The following MAGEC3 variants were observed in gnomAD, a reference collection of about 807,000 sequenced individuals.
The protein encoded by MAGEC3 is MAGE family member C3.
In MAGEC3, 34 loss-of-function variants were observed where a neutral mutation model predicts 35.3. The ratio of observed to expected loss-of-function variants is 0.96; its 90% CI spans 0.73 to 1.28. The LOEUF is 1.28. Among genes scored for constraint, MAGEC3 ranks in the 50% most tolerant of loss-of-function variants. The pLI is 0.00. For missense variants in MAGEC3, 561 were observed against 483.6 expected (o/e 1.16, Z -1.50); for synonymous variants, 202 against 185.6 (o/e 1.09, Z -0.72).
chrX:141,853,180 G>A (rs1364913454), intron 1 of MAGEC3, among the ~76,000 whole-genome samples: 1 of 111,463 alleles, frequency 9.0e-6, no homozygotes, highest in Non-Finnish European at 1.9e-5. Flanking sequence ...CTTTTAAAAA[G>A]AGGGAAACAA....
Position 141,882,049 on chromosome X carries a change from A to G in MAGEC3, c.909+253A>G, listed in dbSNP as rs556515075. On this transcript the variant is annotated intron_variant, in intron 4 of 7. Coordinates refer to ENST00000298296, the MANE Select transcript of MAGEC3 (RefSeq NM_138702.1). ...AAGGATGCTTTGAAAGATGTGGAAG[A>G]CAGAGCCCAGGCCATAATTGACACC... 6.3e-5 allele frequency among the ~76,000 whole-genome samples: 7 copies of G among 111,824 alleles called. No individual in the cohort carries two copies. In the South Asian group the frequency reaches 2.7e-3, roughly 42 times the overall value.
intron 1 of MAGEC3, among the ~76,000 whole-genome samples, chrX:141,858,812 A>T (rs1356517635): frequency 1.8e-5 from 2 of 111,024 alleles, no homozygotes; most frequent in African/African-American, 6.5e-5. Flanking sequence ...GTATATATAT[A>T]ACAACACACA....
At chrX:141,857,984 C>T (rs993910538) in intron 1 of MAGEC3, among the ~76,000 whole-genome samples, 5 of 111,025 alleles carry the variant, frequency 4.5e-5, no homozygotes, top group African/African-American at 1.6e-4. Flanking sequence ...TGAATGAATA[C>T]ATGCATAGTA....
intron 4 of MAGEC3, among the ~76,000 whole-genome samples, chrX:141,882,777 A>G (rs2017976095): frequency 8.9e-6 from 1 of 112,111 alleles, no homozygotes; most frequent in Non-Finnish European, 1.9e-5. Flanking sequence ...TACCTATAAA[A>G]CAATAGAGTC....
At chrX:141,891,483 A>G (rs375954873) in intron 4 of MAGEC3, among the ~76,000 whole-genome samples, 1 of 109,940 alleles carries the variant, frequency 9.1e-6, no homozygotes, top group East Asian at 2.8e-4. Context: ...TTTTCTTACA[A>G]ATAAATACTG....
At chrX:141,843,181 C>T (rs1336860524) in intron 1 of MAGEC3, among the ~76,000 whole-genome samples, 2 of 111,789 alleles carry the variant, frequency 1.8e-5, no homozygotes, top group African/African-American at 6.5e-5. Flanking sequence ...CACACAAATT[C>T]CAGCTTTATA....
intron 1 of MAGEC3, among the ~76,000 whole-genome samples, chrX:141,861,309 C>T (rs2017813589): frequency 9.0e-6 from 1 of 111,201 alleles, no homozygotes; most frequent in African/African-American, 3.3e-5. Context: ...GGAAAGACAT[C>T]CCATGCTCAT....
intron 2 of MAGEC3, among the ~76,000 whole-genome samples, chrX:141,869,416 G>A (rs750209728): frequency 1.8e-5 from 2 of 112,348 alleles, no homozygotes; most frequent in East Asian, 5.6e-4. Flanking sequence ...AGTATACTTT[G>A]CTTAGTTGTT....
In MAGEC3 at chrX:141,897,040, T is replaced by C. The variant is rs140309583; in HGVS notation, c.1282T>C (p.Leu428=). The C allele has an allele frequency of 2.2e-5, 27 of 1,209,353 alleles. No homozygotes were observed. The African/African-American group carries it at 4.0e-4, about 18-fold the overall frequency. ...SCSSPLLWTR[L]DEESSSEEED... is the part of the protein sequence containing the mutation. ...CTCATCCCCTCTTTTGTGGACCCGATTGGATGAGGAGTCCAGCAGTGAAGA... is the reference window on the plus strand; with the variant it reads ...CTCATCCCCTCTTTTGTGGACCCGACTGGATGAGGAGTCCAGCAGTGAAGA... Residue 428 remains leucine (L), a synonymous_variant, in exon 7 of 8, where the codon TTG becomes CTG. Transcript: ENST00000298296.
At chrX:141,870,413 G>T (rs2017880194) in intron 2 of MAGEC3, among the ~76,000 whole-genome samples, 1 of 109,473 alleles carries the variant, frequency 9.1e-6, no homozygotes, top group African/African-American at 3.3e-5. Flanking sequence ...AAACTTTGTG[G>T]TGCTTTAATT....
chrX:141,857,061 A>G (rs1569472353), intron 1 of MAGEC3, among the ~76,000 whole-genome samples: 1 of 111,459 alleles, frequency 9.0e-6, no homozygotes, highest in Non-Finnish European at 1.9e-5. Flanking sequence ...GGCAGCCATT[A>G]GTATATTCAG....
At chrX:141,846,316 T>C (rs1163240600) in intron 1 of MAGEC3, among the ~76,000 whole-genome samples, 4 of 109,359 alleles carry the variant, frequency 3.7e-5, no homozygotes, top group Admixed American at 2.9e-4. Context: ...TCTATTACAA[T>C]TGATTACACC....
At chrX:141,890,629 G>A (rs146454111) in intron 4 of MAGEC3, among the ~76,000 whole-genome samples, 19 of 112,285 alleles carry the variant, frequency 1.7e-4, no homozygotes, top group Non-Finnish European at 3.2e-4. Context: ...GAAACCTCCA[G>A]TCACCTAGTA....
chrX:141,882,304 T>C (rs5954456), intron 4 of MAGEC3, among the ~76,000 whole-genome samples: 6,706 of 112,009 alleles, frequency 0.06, 307 homozygotes, highest in African/African-American at 0.16. Flanking sequence ...TGTGTACTTT[T>C]TGAATGATTT....
At chrX:141,871,720 T>G in intron 2 of MAGEC3, among the ~76,000 whole-genome samples, 1 of 111,612 alleles carries the variant, frequency 9.0e-6, no homozygotes, top group Non-Finnish European at 1.9e-5. Context: ...CCAGATGCTG[T>G]TTGATTTGTG....
At chrX:141,871,423 G>A (rs994197439) in intron 2 of MAGEC3, among the ~76,000 whole-genome samples, 1 of 111,713 alleles carries the variant, frequency 9.0e-6, no homozygotes, top group African/African-American at 3.3e-5. Flanking sequence ...GCCACCAGAA[G>A]TCATTTTAGG....
rs573017261 is a variant in MAGEC3, at chrX:141,866,624, A to T, written c.258+1019A>T. 4.4e-5 allele frequency among the ~76,000 whole-genome samples: 5 copies of T among 112,591 alleles called. No individual in the cohort carries two copies. In the South Asian group the frequency reaches 1.8e-3, roughly 41 times the overall value. On this transcript the variant is annotated intron_variant, in intron 2 of 7. Transcript: ENST00000298296. ...CCACAGAAACTCATATAAATGCACA[A>T]CGAAACATGTAAATGAATATTAATT...
At chrX:141,856,326 G>A (rs2124092446) in intron 1 of MAGEC3, among the ~76,000 whole-genome samples, 1 of 111,113 alleles carries the variant, frequency 9.0e-6, no homozygotes, top group African/African-American at 3.3e-5. Flanking sequence ...ACATCTCAAA[G>A]TTTTTCTACC....
intron 1 of MAGEC3, among the ~76,000 whole-genome samples, chrX:141,857,189 A>G (rs952882824): frequency 2.9e-5 from 3 of 105,259 alleles, no homozygotes; most frequent in Non-Finnish European, 5.9e-5. Context: ...TGTAATTGTG[A>G]AAAAAAAAAA....
Sources: gnomAD v4.1 joint callset for allele counts (sites outside exome capture counted in the v4.1 genomes callset) on GRCh38, gnomAD v4.1.1 for gene constraint, MANE v1.5 for transcripts, NCBI Gene and HGNC (gene_info 2026-07-23, HGNC 2026-07-21) for gene names.